PRKG1: variants seen among roughly 807,000 people sequenced by gnomAD.
The protein encoded by PRKG1 is cGMP-dependent protein kinase 1.
In PRKG1, 35 loss-of-function variants were observed where a neutral mutation model predicts 88.1. That is an observed-to-expected ratio of 0.40 (90% CI 0.30 to 0.53). The LOEUF is 0.53. PRKG1 is among the 20% of genes least tolerant of loss of function. PRKG1 has a pLI of 0.59. For synonymous variants in PRKG1, 303 were observed against 292.5 expected (o/e 1.04, Z -0.37); for missense variants, 540 against 839.8 (o/e 0.64, Z 4.41).
At chr10:51,216,696 C>G (rs1335481114) in intron 2 of PRKG1, among the ~76,000 whole-genome samples, 2 of 151,986 alleles carry the variant, frequency 1.3e-5, no homozygotes, top group African/African-American at 4.8e-5. Flanking sequence ...CCACAGAGGT[C>G]TTCATAAATA....
At chr10:51,260,725 G>A (rs1446226526) in intron 2 of PRKG1, among the ~76,000 whole-genome samples, 1 of 152,116 alleles carries the variant, frequency 6.6e-6, no homozygotes, top group Non-Finnish European at 1.5e-5. Flanking sequence ...TACCAAGTCC[G>A]AAATCAATGT....
intron 4 of PRKG1, among the ~76,000 whole-genome samples, chr10:51,860,151 G>A (rs908093806): frequency 1.3e-5 from 2 of 152,124 alleles, no homozygotes; most frequent in East Asian, 1.9e-4. Flanking sequence ...CAGTAGAGCT[G>A]GGGTTTGAAT....
chr10:51,005,189 A>G (rs1842928836), intron 1 of PRKG1, among the ~76,000 whole-genome samples: 1 of 152,144 alleles, frequency 6.6e-6, no homozygotes, highest in Admixed American at 6.5e-5. Context: ...AGGTAAAATC[A>G]TTTTGGGGGA....
intron 3 of PRKG1, among the ~76,000 whole-genome samples, chr10:51,754,606 T>A (rs1837809959): frequency 6.6e-6 from 1 of 152,176 alleles, no homozygotes; most frequent in Non-Finnish European, 1.5e-5. Flanking sequence ...TGTTCATTTG[T>A]TTGTTTCCAT....
At chr10:51,452,398 C>T (rs535847882) in intron 2 of PRKG1, among the ~76,000 whole-genome samples, 10 of 151,932 alleles carry the variant, frequency 6.6e-5, no homozygotes, top group South Asian at 2.1e-4. Context: ...TTCAACTTTT[C>T]CCCATTCAGT....
intron 9 of PRKG1, among the ~76,000 whole-genome samples, chr10:52,246,988 A>C (rs1296568547): frequency 2.0e-5 from 3 of 151,354 alleles, no homozygotes; most frequent in African/African-American, 4.8e-5. Context: ...TTGATTTGAG[A>C]AATGATGTAT....
chr10:52,239,381 A>T (rs1350613491), intron 9 of PRKG1, among the ~76,000 whole-genome samples: 1 of 149,490 alleles, frequency 6.7e-6, no homozygotes, highest in Non-Finnish European at 1.5e-5. Flanking sequence ...TTGAGAATAA[A>T]TTTTAATTGG....
intron 5 of PRKG1, among the ~76,000 whole-genome samples, chr10:52,045,043 A>G (rs1845831107): frequency 6.6e-6 from 1 of 152,152 alleles, no homozygotes; most frequent in South Asian, 2.1e-4. Context: ...GCAAGTCACA[A>G]ATTAATTTTC....
At chr10:51,449,765 T>A (rs1261405861) in intron 2 of PRKG1, among the ~76,000 whole-genome samples, 1 of 147,524 alleles carries the variant, frequency 6.8e-6, no homozygotes, top group Non-Finnish European at 1.5e-5. Flanking sequence ...TTTTTGTGAC[T>A]AAAATACAAT....
chr10:51,153,102 A>T, intron 1 of PRKG1, 62 bp from the exon 2 acceptor site: 1 of 1,523,296 alleles, frequency 6.6e-7, no homozygotes, highest in Non-Finnish European at 8.9e-7. Context: ...GCGCTGCTAA[A>T]CCTCACAAAC....
intron 1 of PRKG1, among the ~76,000 whole-genome samples, chr10:51,095,621 G>A (rs1844509049): frequency 6.6e-6 from 1 of 152,142 alleles, no homozygotes; most frequent in African/African-American, 2.4e-5. Context: ...TTTGATAGCA[G>A]CCAGACCGCG....
rs191337794 is a variant in PRKG1 at position 51,579,213 on chromosome 10, C to T, written c.592+111377C>T. 2.2e-3 allele frequency among the ~76,000 whole-genome samples: 328 copies of T among 151,970 alleles called. 2 individuals carry two copies. The highest frequency in any genetic ancestry group is 7.6e-3 in the African/African-American group (313 of 41,448). On this transcript the variant is annotated intron_variant, in intron 3 of 17. Transcript: ENST00000373980. ...GCCAGGCTGATCTTGAACCCCTGAC[C>T]TCTAGTGATCTGCCCACCTTGGCCT... is the stretch of plus-strand genomic sequence containing the variant.
intron 2 of PRKG1, among the ~76,000 whole-genome samples, chr10:51,353,879 A>C (rs900738946): frequency 6.6e-6 from 1 of 151,682 alleles, no homozygotes. Context: ...TACAATAGCC[A>C]AGATTTGTGT....
intron 5 of PRKG1, among the ~76,000 whole-genome samples, chr10:51,917,403 C>G (rs989182215): frequency 6.6e-6 from 1 of 151,340 alleles, no homozygotes; most frequent in South Asian, 2.1e-4. Flanking sequence ...GGTTGTACAA[C>G]TCTGAATATA....
rs79098321 is a variant in PRKG1, at chr10:51,650,310, C to T, written c.593-154275C>T. ...TTTGTTGAATTGGAATCTTGGCTCT[C>T]TAATATTGTTTTACTTTTTATCTCA... On this transcript the variant is annotated intron_variant, in intron 3 of 17. Coordinates refer to ENST00000373980, the MANE Select transcript of PRKG1 (RefSeq NM_006258.4). 4.8e-3 allele frequency among the ~76,000 whole-genome samples: 725 copies of T among 152,278 alleles called. 6 individuals are homozygous for T. Among genetic ancestry groups the T allele is most frequent in the African/African-American group, 0.017 (694 of 41,562 alleles).
rs764532999 is a variant in PRKG1 at position 52,131,844 on chromosome 10, A to AAAC, written c.936-1994_936-1993insCAA. On this transcript the variant is annotated intron_variant, in intron 7 of 17. Transcript: ENST00000373980. Reference sequence around the variant, plus strand: ...AAAAAAAAAAAAAAAAAAAAAAAAAAAAGAGGCCAGTTTGGCCAAAAGGCA... The same window carrying AAAC: ...AAAAAAAAAAAAAAAAAAAAAAAAAAAACAAGAGGCCAGTTTGGCCAAAAGGCA... Among the ~76,000 whole-genome samples, 99 of 117,252 alleles carry AAAC rather than the reference A, an allele frequency of 8.4e-4. 2 individuals carry two copies. The highest frequency in any genetic ancestry group is 1.4e-3 in the Non-Finnish European group (69 of 50,674). The allele number at this position is 117,252 out of a possible 152,430, so 76.9% of individuals were successfully genotyped here. A position where few individuals can be genotyped will look rare whatever the true frequency, so the allele number is the denominator to read the frequency against.
chr10:52,116,063 G>A lies in PRKG1; in HGVS notation c.936-17777G>A, dbSNP rs552827947. 2.1e-4 allele frequency among the ~76,000 whole-genome samples: 32 copies of A among 152,186 alleles called. 2 individuals carry two copies. The South Asian group carries it at 4.4e-3, about 21-fold the overall frequency. ...ATGCAGAAATAACCTGATTGGTTAC[G>A]GCACTGCCTTTTCCTTATTTGGACA... On this transcript the variant is annotated intron_variant, in intron 7 of 17. Transcript: ENST00000373980.
chr10:51,596,112 A>G (rs1382137537), intron 3 of PRKG1, among the ~76,000 whole-genome samples: 4 of 152,158 alleles, frequency 2.6e-5, no homozygotes, highest in African/African-American at 9.7e-5. Flanking sequence ...TACAGGCGTG[A>G]GTCACCTCGC....
At chr10:51,735,883 A>ATTTATTTATT (rs371598580) in intron 3 of PRKG1, among the ~76,000 whole-genome samples, 9,718 of 102,522 alleles carry the variant, frequency 0.095, 602 homozygotes, top group African/African-American at 0.17. Context: ...ATATATATGT[A>ATTTATTTATT]TATTTATTTA....
Sources: gnomAD v4.1 joint callset for allele counts (sites outside exome capture counted in the v4.1 genomes callset) on GRCh38, gnomAD v4.1.1 for gene constraint, MANE v1.5 for transcripts, NCBI Gene and HGNC (gene_info 2026-07-23, HGNC 2026-07-21) for gene names.